The following IAH1 variants were observed in gnomAD, a reference collection of about 807,000 sequenced individuals.
The protein encoded by IAH1 is isoamyl acetate-hydrolyzing esterase 1 homolog.
IAH1 carries 24 observed loss-of-function variants against 26.7 expected under a neutral mutation model. The observed-to-expected ratio is 0.90, with a 90% CI of 0.65 to 1.26. The LOEUF (loss-of-function observed/expected upper bound fraction) is 1.26, where lower values mean the gene tolerates loss of function less well. Ranked by LOEUF, IAH1 falls within the 50% of genes most tolerant of loss-of-function variation. IAH1 has a pLI of 0.00. For synonymous variants in IAH1, 140 were observed against 118.5 expected (o/e 1.18, Z -1.18); for missense variants, 300 against 299.9 (o/e 1.00, Z 0.00).
At chr2:9,504,631 T>TG in the IAH1 span, among the ~76,000 whole-genome samples, 7 of 149,120 alleles carry the variant, frequency 4.7e-5, no homozygotes, top group African/African-American at 1.7e-4. Flanking sequence ...GGCATGGTGG[T>TG]GCGTGCCTGT....
At position 9,488,275 on chromosome 2, in the gene IAH1, G is replaced by A. The variant is rs1661745165; in HGVS notation, c.693G>A (p.Arg231=). 1 of 1,613,006 alleles carries A rather than the reference G, an allele frequency of 6.2e-7. No homozygotes were observed. Residue 231 remains arginine, a synonymous_variant, in exon 6 of 6, where the codon CGG becomes CGA. Transcript: ENST00000497473. ...SSLPLLLPYW[R]DVAEAKPELS... ...TACCTTTGCTGCTTCCTTACTGGCG[G>A]GATGTAGCAGAAGCAAAACCTGAAT...
At chr2:9,494,957 G>A (rs903498385) in intron 6 of IAH1, 102 of 535,524 alleles carry the variant, frequency 1.9e-4, no homozygotes, top group Non-Finnish European at 3.0e-4. Context: ...AGCCTTCAGT[G>A]ACAGAGGCCA....
chr2:9,511,335 G>A, the IAH1 span, among the ~76,000 whole-genome samples: 19 of 151,834 alleles, frequency 1.3e-4, no homozygotes, highest in African/African-American at 3.4e-4. Flanking sequence ...CTGTAATCCC[G>A]GCTACTCGGG....
At chr2:9,498,730 TATG>T (rs1414075758), downstream of IAH1, among the ~76,000 whole-genome samples, 2 of 152,352 alleles carry the variant, frequency 1.3e-5, no homozygotes, top group African/African-American at 4.8e-5. Context: ...TTACTGAAAG[TATG>T]ATGTCCAGTG....
At chr2:9,510,439 G>A in the IAH1 span, among the ~76,000 whole-genome samples, 10 of 152,192 alleles carry the variant, frequency 6.6e-5, no homozygotes, top group African/African-American at 1.7e-4. Context: ...GCTGAGGCAG[G>A]TGGATCACGA....
chr2:9,490,651 G>T, downstream of IAH1: 2 of 949,736 alleles, frequency 2.1e-6, no homozygotes, highest in East Asian at 2.6e-5. Context: ...TGCTAGGTGA[G>T]GCTCACTCAA....
chr2:9,477,019 C>T (rs1333351979), intron 2 of IAH1, among the ~76,000 whole-genome samples: 1 of 152,146 alleles, frequency 6.6e-6, no homozygotes, highest in Non-Finnish European at 1.5e-5. Flanking sequence ...TAGCTGGGAC[C>T]AACAGGCACT....
chr2:9,481,989 T>C (rs1661201077), intron 4 of IAH1, among the ~76,000 whole-genome samples: 1 of 151,734 alleles, frequency 6.6e-6, no homozygotes, highest in African/African-American at 2.4e-5. Context: ...TGTTCAAGGG[T>C]CAGCTGTATG....
At position 9,481,450 on chromosome 2, in the gene IAH1, A is replaced by G. The variant is rs1479037954; in HGVS notation, c.445+3A>G. 6.2e-7 allele frequency: 1 copy of G among 1,614,026 alleles called. No homozygotes were observed. Among genetic ancestry groups the G allele is most frequent in the Admixed American group, 1.7e-5 (1 of 59,992 alleles). ...GGAAGAACAGTGCATCATACAAGGT[A>G]AACAAACCACAGCCAATCTCGGCAA... On this transcript the variant is annotated splice_donor_region_variant and intron_variant, in intron 4 of 5. Transcript: ENST00000497473.
chr2:9,488,432 A>G lies in IAH1; in HGVS notation c.*103A>G. On this transcript the variant is annotated 3_prime_UTR_variant, in exon 6 of 6. Coordinates refer to ENST00000497473, the MANE Select transcript of IAH1 (RefSeq NM_001039613.3). Reference sequence around the variant, plus strand: ...TCAGGCTTAAACCTTTGCCACTGATATTAATAATAAAAGTATTAGATGATT... The same window carrying G: ...TCAGGCTTAAACCTTTGCCACTGATGTTAATAATAAAAGTATTAGATGATT... 1 of 818,150 alleles carries G rather than the reference A, an allele frequency of 1.2e-6. No individual in the cohort carries two copies. The highest frequency in any genetic ancestry group is 1.9e-6 in the Non-Finnish European group (1 of 540,026). 50.7% of individuals were successfully genotyped at this position (818,150 alleles called of 1,614,324 possible).
chr2:9,483,544 G>A (rs1661303900), intron 4 of IAH1, among the ~76,000 whole-genome samples: 1 of 152,176 alleles, frequency 6.6e-6, no homozygotes, highest in African/African-American at 2.4e-5. Flanking sequence ...GCCAGCATAG[G>A]TCCTCCTGTG....
downstream of IAH1, chr2:9,497,392 G>C: frequency 9.6e-7 from 1 of 1,041,480 alleles, no homozygotes; most frequent in Non-Finnish European, 1.4e-6. Flanking sequence ...ACAAGAGCCT[G>C]CATCTCACCA....
chr2:9,508,332 A>G, the IAH1 span, among the ~76,000 whole-genome samples: 10 of 152,170 alleles, frequency 6.6e-5, no homozygotes, highest in Non-Finnish European at 1.5e-4. Flanking sequence ...CTTCAACAAT[A>G]ATCAACTTAT....
chr2:9,505,334 T>C, the IAH1 span: 26 of 1,614,166 alleles, frequency 1.6e-5, no homozygotes, highest in Non-Finnish European at 2.1e-5. Flanking sequence ...AATGGTCTTA[T>C]AGATTGATTG....
intron 5 of IAH1, chr2:9,487,475 G>A (rs1292411095): frequency 6.6e-6 from 1 of 152,094 alleles, no homozygotes; most frequent in East Asian, 1.9e-4. Context: ...ACCTGTTAAG[G>A]TTCTTTCAAA....
At chr2:9,494,502 C>T, downstream of IAH1, 2 of 1,001,704 alleles carry the variant, frequency 2.0e-6, no homozygotes, top group South Asian at 3.3e-5. Context: ...CTAAGTAATA[C>T]CCGTAGATAA....
the IAH1 span, chr2:9,509,863 T>C: frequency 7.5e-7 from 1 of 1,329,192 alleles, no homozygotes; most frequent in Non-Finnish European, 1.0e-6. Flanking sequence ...CTTTGTAATT[T>C]GCACATCCAT....
In IAH1 at chr2:9,474,728, C is replaced by T; in HGVS notation, c.81+81C>T. On this transcript the variant is annotated intron_variant, in intron 1 of 5. Transcript: ENST00000497473. The surrounding 1 kb of genome is among the most constrained non-coding windows in gnomAD (Gnocchi z 4.3). ...CGAGCAGGCCGAGGCTCCTCGCCGT[C>T]CTCTTCGGCGCCCGAGACGGCTGGG... The T allele has an allele frequency of 2.7e-6, 3 of 1,096,778 alleles. No homozygotes were observed. The highest frequency in any genetic ancestry group is 3.3e-5 in the African/African-American group (2 of 60,388). The allele number at this position is 1,096,778 out of a possible 1,614,324, so 67.9% of individuals were successfully genotyped here. A position where few individuals can be genotyped will look rare whatever the true frequency, so the allele number is the denominator to read the frequency against.
At chr2:9,499,653 C>A (rs1031584214), downstream of IAH1, among the ~76,000 whole-genome samples, 5 of 152,102 alleles carry the variant, frequency 3.3e-5, no homozygotes, top group Non-Finnish European at 2.9e-5. Flanking sequence ...CTGCCCACCT[C>A]GGCCTCCCAA....
Sources: allele counts gnomAD v4.1 joint callset (sites outside exome capture counted in the v4.1 genomes callset), GRCh38; gene constraint gnomAD v4.1.1; non-coding constraint Gnocchi (gnomAD v3.1); transcripts MANE v1.5; gene names NCBI Gene and HGNC (gene_info 2026-07-23, HGNC 2026-07-21).